Variants in C1orf216 observed in about 807,000 individuals in gnomAD.
C1orf216 encodes the protein UPF0500 protein C1orf216.
In C1orf216, 18 loss-of-function variants were observed where a neutral mutation model predicts 16.4. The observed-to-expected ratio is 1.10, with a 90% CI of 0.76 to 1.63. The LOEUF (loss-of-function observed/expected upper bound fraction) is 1.63. Ranked by LOEUF, C1orf216 falls within the 40% of genes most tolerant of loss-of-function variation. The pLI, the probability that C1orf216 is intolerant of heterozygous loss-of-function variation, is 0.00. For missense variants in C1orf216, 271 were observed against 297.6 expected, an observed-to-expected ratio of 0.91 and a Z score of 0.66; for synonymous variants, 115 against 116.9, an observed-to-expected ratio of 0.98 and a Z score of 0.11.
At chr1:35,716,445 C>G (rs1183180483) in intron 1 of C1orf216, 119 bp from the exon 2 acceptor site, 1 of 851,120 alleles carries the variant, frequency 1.2e-6, no homozygotes, top group Non-Finnish European at 1.8e-6. Context: ...CCTGTCAAGC[C>G]CTTTCTCTTG....
rs1230114411 is a variant in C1orf216 at position 35,716,068 on chromosome 1, G to A, written c.254C>T (p.Pro85Leu). ...AGCCCCGGGAATCTCTGCCCCCTCTGGGGGGCTGCGCACCCCTTCCTCAGG... is the reference window on the plus strand; with the variant it reads ...AGCCCCGGGAATCTCTGCCCCCTCTAGGGGGCTGCGCACCCCTTCCTCAGG... ...GSPEEGVRSPPEGAEIPGAEP... is the reference protein window; with the variant it reads ...GSPEEGVRSPLEGAEIPGAEP... The change falls in exon 2 of 2, where the codon CCA (proline) becomes CTA (leucine). Residue 85 changes from proline (P) to leucine (L), a missense_variant. By Grantham distance (98) the Pro-to-Leu change is moderately conservative. Transcript: ENST00000270815. 2 of 1,614,080 alleles carry A rather than the reference G, an allele frequency of 1.2e-6. No homozygotes were observed. Among genetic ancestry groups the A allele is most frequent in the South Asian group, 1.1e-5 (1 of 91,088 alleles).
At chr1:35,718,230 G>T (rs1218001890) in intron 1 of C1orf216, among the ~76,000 whole-genome samples, 1 of 152,206 alleles carries the variant, frequency 6.6e-6, no homozygotes, top group Non-Finnish European at 1.5e-5. Context: ...AGAGCATGAA[G>T]AGGAAGGGTA....
In C1orf216 at chr1:35,715,804, AC is replaced by A; in HGVS notation, c.517del (p.Val173Ter). Reference protein sequence around the residue: ...QEKEKHHVHLVMYRRLALLQW... With the variant: ...QEKEKHHVHLXMYRRLALLQW... ...GAGCAGTGCCAGGCGACGGTACATCACCAAGTGCACGTGGTGCTTTTCCTTC... is the reference window on the plus strand; with the variant it reads ...GAGCAGTGCCAGGCGACGGTACATCACAAGTGCACGTGGTGCTTTTCCTTC... On this transcript the variant is annotated frameshift_variant, in exon 2 of 2. Transcript: ENST00000270815. LOFTEE classifies it high-confidence loss of function. This position sits in a 1 kb window ranked among gnomAD's most constrained non-coding sequence, Gnocchi z 4.3. 6.2e-7 allele frequency: 1 copy of A among 1,614,198 alleles called. No homozygotes were observed.
At chr1:35,718,118 C>T (rs1640980336) in intron 1 of C1orf216, among the ~76,000 whole-genome samples, 1 of 152,326 alleles carries the variant, frequency 6.6e-6, no homozygotes, top group East Asian at 1.9e-4. Context: ...GGGCATACCA[C>T]ACCACTCTTC....
chr1:35,716,429 C>A, intron 1 of C1orf216, 103 bp from the exon 2 acceptor site: 2 of 1,002,552 alleles, frequency 2.0e-6, no homozygotes, highest in South Asian at 3.4e-5. Context: ...AAGAGCCTGG[C>A]CACTCCCTGT....
At position 35,714,537 on chromosome 1, in the gene C1orf216, C is replaced by T. The variant is rs982441150; in HGVS notation, c.*1095G>A. The T allele has an allele frequency of 4.6e-5, 7 of 152,106 alleles. No individual in the cohort carries two copies. The East Asian group carries it at 1.3e-3, about 29-fold the overall frequency. The allele number at this position is 152,106 out of a possible 1,614,324, so 9.4% of individuals were successfully genotyped here. On this transcript the variant is annotated 3_prime_UTR_variant, in exon 2 of 2. Coordinates refer to ENST00000270815, the MANE Select transcript of C1orf216 (RefSeq NM_152374.2). ...TGTCTGTTACTTGCAAGCTTATAAA[C>T]ATACATTGCTTTTCATCAGAAGCTT... is the stretch of plus-strand genomic sequence containing the variant.
Position 35,715,485 on chromosome 1 carries a change from C to T in C1orf216, c.*147G>A, listed in dbSNP as rs1369923311. On this transcript the variant is annotated 3_prime_UTR_variant, in exon 2 of 2. Transcript: ENST00000270815. This position sits in a 1 kb window ranked among gnomAD's most constrained non-coding sequence, Gnocchi z 4.3. ...GCTCATTTATACATGCTTATTCACACATGCCTACACACACCAGCCTACATG... is the reference window on the plus strand; with the variant it reads ...GCTCATTTATACATGCTTATTCACATATGCCTACACACACCAGCCTACATG... The T allele has an allele frequency of 2.3e-6, 2 of 871,890 alleles. No individual in the cohort carries two copies. Among genetic ancestry groups the T allele is most frequent in the Admixed American group, 2.9e-5 (1 of 34,182 alleles). The allele number at this position is 871,890 out of a possible 1,614,324, so 54.0% of individuals were successfully genotyped here. A position where few individuals can be genotyped will look rare whatever the true frequency, so the allele number is the denominator to read the frequency against.
rs1640919686 is a variant in C1orf216 at position 35,714,482 on chromosome 1, GA to G, written c.*1149del. ...AAGGTAGAGGCAGAGACAGGGAAGC[GA>G]TATTTTCCTCATCGGCCTTGGAACA... On this transcript the variant is annotated 3_prime_UTR_variant, in exon 2 of 2. Transcript: ENST00000270815. 6.6e-6 allele frequency: 1 copy of G among 152,200 alleles called. No homozygotes were observed. The highest frequency in any genetic ancestry group is 6.5e-5 in the Admixed American group (1 of 15,282). 9.4% of individuals were successfully genotyped at this position (152,200 alleles called of 1,614,324 possible).
Position 35,716,210 on chromosome 1 carries a change from T to G in C1orf216, c.112A>C (p.Ser38Arg). The G allele has an allele frequency of 6.2e-7, 1 of 1,614,268 alleles. No individual in the cohort carries two copies. Among genetic ancestry groups the G allele is most frequent in the Non-Finnish European group, 8.5e-7 (1 of 1,180,048 alleles). ...QPDSNSNFMASAKDANENWHG... is the reference protein window; with the variant it reads ...QPDSNSNFMARAKDANENWHG... The stretch of plus-strand genomic sequence containing the variant: ...CAATTCTCGTTAGCATCCTTGGCAC[T>G]TGCCATGAAGTTGGAGTTGCTGTCT... The change falls in exon 2 of 2, where the codon AGT (serine) becomes CGT (arginine). Residue 38 changes from serine (S) to arginine (R), a missense_variant. This residue lies in a region of C1orf216 where 44 missense variants were observed against 46.0 expected (regional missense o/e 0.96). Transcript: ENST00000270815.
intron 1 of C1orf216, among the ~76,000 whole-genome samples, chr1:35,718,288 C>A (rs1640983039): frequency 6.6e-6 from 1 of 152,140 alleles, no homozygotes; most frequent in Admixed American, 6.5e-5. Context: ...TGGCATGGAC[C>A]CTCCCCACCC....
In C1orf216 at chr1:35,715,575, C is replaced by T. The variant is rs1640938093; in HGVS notation, c.*57G>A. 1 of 1,531,030 alleles carries T rather than the reference C, an allele frequency of 6.5e-7. No homozygotes were observed. The highest frequency in any genetic ancestry group is 1.4e-5 in the African/African-American group (1 of 72,710). The allele number at this position is 1,531,030 out of a possible 1,614,324, so 94.8% of individuals were successfully genotyped here. ...GCAAATTATGTACTTACTAGTGCGC[C>T]TCACACATGCCTGCAAATATATACA... is the stretch of plus-strand genomic sequence containing the variant. On this transcript the variant is annotated 3_prime_UTR_variant, in exon 2 of 2. Transcript: ENST00000270815. The surrounding 1 kb of genome is among the most constrained non-coding windows in gnomAD (Gnocchi z 4.3).
chr1:35,717,252 C>T (rs957234407), intron 1 of C1orf216, among the ~76,000 whole-genome samples: 12 of 151,962 alleles, frequency 7.9e-5, no homozygotes, highest in African/African-American at 2.7e-4. Context: ...CACTTGTCAC[C>T]ACTCCTAATG....
intron 1 of C1orf216, among the ~76,000 whole-genome samples, chr1:35,717,362 C>T (rs1373714401): frequency 6.6e-6 from 1 of 152,124 alleles, no homozygotes; most frequent in Non-Finnish European, 1.5e-5. Context: ...CACTCTGCCC[C>T]TCCCATCATA....
At position 35,715,748 on chromosome 1, in the gene C1orf216, T is replaced by A. The variant is rs771195499; in HGVS notation, c.574A>T (p.Ile192Phe). The part of the protein sequence containing the change: ...QWIRGLQHQL[I>F]DQQARLQESF... Reference sequence around the variant, plus strand: ...TCCTGCAGTCGGGCCTGCTGGTCAATCAACTGATGCTGCAGGCCCCGGATC... The same window carrying A: ...TCCTGCAGTCGGGCCTGCTGGTCAAACAACTGATGCTGCAGGCCCCGGATC... Residue 192 changes from isoleucine to phenylalanine, a missense_variant, in exon 2 of 2, where the codon ATT (isoleucine) becomes TTT (phenylalanine). Physicochemically the swap from Ile to Phe is conservative, Grantham distance 21 (BLOSUM62 0). Around this residue, in one of 3 missense-constraint regions of C1orf216, gnomAD observed 220 missense variants for 227.8 expected, o/e 0.97. Transcript: ENST00000270815. This position sits in a 1 kb window ranked among gnomAD's most constrained non-coding sequence, Gnocchi z 4.3. 5 of 1,614,108 alleles carry A rather than the reference T, an allele frequency of 3.1e-6. No individual in the cohort carries two copies. In the South Asian group the frequency reaches 5.5e-5, roughly 18 times the overall value.
At chr1:35,718,590 C>T (rs1640991896) in intron 1 of C1orf216, 117 bp downstream of exon 1, 3 of 152,198 alleles carry the variant, frequency 2.0e-5, no homozygotes. Context: ...GGGAGACCAC[C>T]CCAGGAGACA....
Position 35,715,782 on chromosome 1 carries a change from C to A in C1orf216, c.540G>T (p.Leu180=). The change falls in exon 2 of 2, where the codon CTG becomes CTT. Residue 180 remains leucine (L), a synonymous_variant. Coordinates refer to ENST00000270815, the MANE Select transcript of C1orf216 (RefSeq NM_152374.2). This position sits in a 1 kb window ranked among gnomAD's most constrained non-coding sequence, Gnocchi z 4.3. Reference sequence around the variant, plus strand: ...GCTGCAGGCCCCGGATCCACTGGAGCAGTGCCAGGCGACGGTACATCACCA... The same window carrying A: ...GCTGCAGGCCCCGGATCCACTGGAGAAGTGCCAGGCGACGGTACATCACCA... The part of the protein sequence containing the change: ...VHLVMYRRLA[L]LQWIRGLQHQ... 6.2e-7 allele frequency: 1 copy of A among 1,614,216 alleles called. No homozygotes were observed. Among genetic ancestry groups the A allele is most frequent in the Non-Finnish European group, 8.5e-7 (1 of 1,180,048 alleles).
intron 1 of C1orf216, among the ~76,000 whole-genome samples, chr1:35,717,447 C>G (rs932931524): frequency 7.9e-5 from 12 of 152,074 alleles, no homozygotes; most frequent in African/African-American, 2.9e-4. Context: ...TATCCTTCCT[C>G]TCCCCTCCCC....
rs193015036 is a variant in C1orf216, at chr1:35,714,542, A to G, written c.*1090T>C. 6.6e-6 allele frequency: 1 copy of G among 152,202 alleles called. No individual in the cohort carries two copies. Among genetic ancestry groups the G allele is most frequent in the Non-Finnish European group, 1.5e-5 (1 of 68,008 alleles). The allele number at this position is 152,202 out of a possible 1,614,324, so 9.4% of individuals were successfully genotyped here. ...GTTACTTGCAAGCTTATAAACATAC[A>G]TTGCTTTTCATCAGAAGCTTAAATG... On this transcript the variant is annotated 3_prime_UTR_variant, in exon 2 of 2. Transcript: ENST00000270815.
At chr1:35,716,376 C>A in intron 1 of C1orf216, 50 bp from the exon 2 acceptor site, 1 of 1,503,648 alleles carries the variant, frequency 6.7e-7, no homozygotes, top group Non-Finnish European at 8.9e-7. Context: ...GGGTGGGGTG[C>A]CTGAAGTCAG....
Sources: allele counts gnomAD v4.1 joint callset (sites outside exome capture counted in the v4.1 genomes callset), GRCh38; gene constraint gnomAD v4.1.1; regional missense constraint gnomAD v4.1.1; non-coding constraint Gnocchi (gnomAD v3.1); transcripts MANE v1.5; gene names NCBI Gene and HGNC (gene_info 2026-07-23, HGNC 2026-07-21).